The following ADGRD1 variants were observed in gnomAD, a reference collection of about 807,000 sequenced individuals.
ADGRD1 encodes the protein adhesion G protein-coupled receptor D1.
Under a neutral mutation model 113.4 loss-of-function variants are expected in ADGRD1, and 77 were observed. The observed-to-expected ratio is 0.68, with a 90% CI of 0.57 to 0.82. The LOEUF is 0.82. ADGRD1 is among the 40% of genes least tolerant of loss of function. The probability of loss-of-function intolerance (pLI) is 0.00; values close to 1 mark genes in which losing one functional copy is unlikely to be tolerated. For missense variants in ADGRD1, 1,036 were observed against 1,139.1 expected, an observed-to-expected ratio of 0.91 and a Z score of 1.30; for synonymous variants, 474 against 475.0, an observed-to-expected ratio of 1.00 and a Z score of 0.03.
At position 131,056,310 on chromosome 12, in the gene ADGRD1, C is replaced by T. The variant is rs369102585; in HGVS notation, c.1474-20491C>T. Among the ~76,000 whole-genome samples the T allele has an allele frequency of 1.7e-4, 26 of 152,260 alleles. No homozygotes were observed. The East Asian group carries it at 3.9e-3, about 23-fold the overall frequency. On this transcript the variant is annotated intron_variant, in intron 13 of 24. Transcript: ENST00000261654. ...GGCTATAGGGGAAAATCCCAAGTTG[C>T]GGCATTGGAAACAGGAACCAGTGAG...
Position 131,096,577 on chromosome 12 carries a change from C to T in ADGRD1, c.1672-8254C>T, listed in dbSNP as rs1887296178. On this transcript the variant is annotated intron_variant, in intron 15 of 24. Transcript: ENST00000261654. The surrounding 1 kb of genome is among the most constrained non-coding windows in gnomAD (Gnocchi z 5.2). ...GCAAATAACCAGCATCCTATGCACA[C>T]ATCCCGCCTCCATCTGTGAGGATGG... is the stretch of plus-strand genomic sequence containing the variant. Among the ~76,000 whole-genome samples the T allele has an allele frequency of 6.6e-6, 1 of 152,228 alleles. No individual in the cohort carries two copies. Among genetic ancestry groups the T allele is most frequent in the South Asian group, 2.1e-4 (1 of 4,830 alleles).
intron 12 of ADGRD1, among the ~76,000 whole-genome samples, chr12:131,007,295 A>G (rs67851706): frequency 0.23 from 34,823 of 152,188 alleles, 4,667 homozygotes; most frequent in African/African-American, 0.38. Flanking sequence ...CTCTGCCCTC[A>G]CAGGGTGAAG....
intron 23 of ADGRD1, 45 bp from the exon 24 acceptor site, chr12:131,138,092 T>C (rs752313868): frequency 2.6e-6 from 4 of 1,512,664 alleles, no homozygotes; most frequent in Non-Finnish European, 3.7e-6. Context: ...TTACGGCTGT[T>C]GCAGCCTCTG....
intron 13 of ADGRD1, among the ~76,000 whole-genome samples, chr12:131,055,850 A>T (rs1452177943): frequency 6.6e-6 from 1 of 152,222 alleles, no homozygotes; most frequent in Non-Finnish European, 1.5e-5. Context: ...TTTTCTAAGT[A>T]AAACCACTCA....
intron 15 of ADGRD1, among the ~76,000 whole-genome samples, chr12:131,100,493 A>G (rs1174640123): frequency 6.6e-6 from 1 of 151,574 alleles, no homozygotes; most frequent in Non-Finnish European, 1.5e-5. Context: ...GTTTATAGTC[A>G]GATTAGCTGA....
chr12:130,993,541 T>C (rs1874720327), intron 8 of ADGRD1, among the ~76,000 whole-genome samples: 1 of 151,830 alleles, frequency 6.6e-6, no homozygotes, highest in African/African-American at 2.4e-5. Context: ...TACATGGAGC[T>C]GCGGGACTCA....
rs955503843 is a variant in ADGRD1 at position 131,075,540 on chromosome 12, A to C, written c.1474-1261A>C. 6.6e-6 allele frequency among the ~76,000 whole-genome samples: 1 copy of C among 152,260 alleles called. No homozygotes were observed. The highest frequency in any genetic ancestry group is 1.5e-5 in the Non-Finnish European group (1 of 68,046). ...CAGGGGTGGGGGACAAAGCAAAAAG[A>C]GTAAACGTTCCATTTTGCCAAAACA... On this transcript the variant is annotated intron_variant, in intron 13 of 24. Transcript: ENST00000261654. This position sits in a 1 kb window ranked among gnomAD's most constrained non-coding sequence, Gnocchi z 5.3.
At chr12:131,066,748 C>T (rs934921844) in intron 13 of ADGRD1, among the ~76,000 whole-genome samples, 3 of 152,004 alleles carry the variant, frequency 2.0e-5, no homozygotes, top group African/African-American at 4.8e-5. Flanking sequence ...GGAGTGGCCA[C>T]GTGGATGGGG....
chr12:131,115,410 C>T (rs369623141), intron 18 of ADGRD1, among the ~76,000 whole-genome samples: 1 of 152,170 alleles, frequency 6.6e-6, no homozygotes, highest in South Asian at 2.1e-4. Context: ...CTCCCCTGTG[C>T]CCGCGTGTGG....
chr12:131,066,615 AT>A (rs1414464944), intron 13 of ADGRD1, among the ~76,000 whole-genome samples: 3 of 152,216 alleles, frequency 2.0e-5, no homozygotes, highest in African/African-American at 7.2e-5. Flanking sequence ...TGACTCTCAC[AT>A]CCCAGTGCTG....
intron 13 of ADGRD1, among the ~76,000 whole-genome samples, chr12:131,033,013 C>T (rs557932263): frequency 5.9e-4 from 90 of 152,208 alleles, no homozygotes; most frequent in African/African-American, 2.0e-3. Context: ...ATCGCCACCC[C>T]GTCACAGAGA....
At chr12:131,017,805 C>G (rs1878794820) in intron 13 of ADGRD1, among the ~76,000 whole-genome samples, 1 of 151,158 alleles carries the variant, frequency 6.6e-6, no homozygotes, top group Non-Finnish European at 1.5e-5. Flanking sequence ...CACAGACACA[C>G]CCAGTGTGCA....
At chr12:131,110,988 G>A (rs1156362462) in intron 18 of ADGRD1, among the ~76,000 whole-genome samples, 1 of 152,018 alleles carries the variant, frequency 6.6e-6, no homozygotes, top group Non-Finnish European at 1.5e-5. Context: ...ATCTTACTGG[G>A]GTCCCTTGTA....
intron 2 of ADGRD1, among the ~76,000 whole-genome samples, chr12:130,961,087 C>T (rs1870299427): frequency 6.6e-6 from 1 of 152,142 alleles, no homozygotes; most frequent in African/African-American, 2.4e-5. Context: ...TCCAGCTGGA[C>T]CAAGTCAGTG....
At chr12:131,040,225 A>G (rs1881978506) in intron 13 of ADGRD1, among the ~76,000 whole-genome samples, 2 of 152,206 alleles carry the variant, frequency 1.3e-5, no homozygotes. Flanking sequence ...TTTGTCAACC[A>G]GACGTGCAAC....
intron 6 of ADGRD1, 135 bp downstream of exon 6, chr12:130,987,484 TA>T (rs1873846556): frequency 1.1e-6 from 1 of 907,438 alleles, no homozygotes; most frequent in South Asian, 1.7e-5. Flanking sequence ...ATGAACCTTA[TA>T]AACACAGTTG....
intron 13 of ADGRD1, among the ~76,000 whole-genome samples, chr12:131,056,754 C>G (rs969428852): frequency 6.6e-6 from 1 of 152,178 alleles, no homozygotes; most frequent in African/African-American, 2.4e-5. Context: ...CGGAAGACCC[C>G]GTGGGGATAA....
At chr12:131,116,032 T>C (rs1950455503) in intron 18 of ADGRD1, among the ~76,000 whole-genome samples, 1 of 152,238 alleles carries the variant, frequency 6.6e-6, no homozygotes, top group South Asian at 2.1e-4. Flanking sequence ...GTCTTCTCCA[T>C]CTTACTGCCC....
rs1242899928 is a variant in ADGRD1 at position 131,096,667 on chromosome 12, T to C, written c.1672-8164T>C. ...CTCCATCTGTGAGGATGGGTTCCCG[T>C]GGGGCACTGCCGGTCCAGTTTTATA... On this transcript the variant is annotated intron_variant, in intron 15 of 24. Transcript: ENST00000261654. This position sits in a 1 kb window ranked among gnomAD's most constrained non-coding sequence, Gnocchi z 5.2. 6.6e-6 allele frequency among the ~76,000 whole-genome samples: 1 copy of C among 151,826 alleles called. No individual in the cohort carries two copies. The highest frequency in any genetic ancestry group is 1.5e-5 in the Non-Finnish European group (1 of 67,960).
Sources: gnomAD v4.1 joint callset for allele counts (sites outside exome capture counted in the v4.1 genomes callset) on GRCh38, gnomAD v4.1.1 for gene constraint, Gnocchi (gnomAD v3.1) non-coding constraint, MANE v1.5 for transcripts, NCBI Gene and HGNC (gene_info 2026-07-23, HGNC 2026-07-21) for gene names.